Variants in RNF10 observed in about 807,000 individuals in gnomAD.
The protein encoded by RNF10 is ring finger protein 10.
In RNF10, 38 loss-of-function variants were observed where a neutral mutation model predicts 91.4. The ratio of observed to expected loss-of-function variants is 0.42; its 90% CI spans 0.32 to 0.54. The LOEUF (loss-of-function observed/expected upper bound fraction) is 0.54, where lower values mean the gene tolerates loss of function less well. Among genes scored for constraint, RNF10 ranks in the 20% least tolerant of loss-of-function variants. The pLI, the probability that RNF10 is intolerant of heterozygous loss-of-function variation, is 0.16. For missense variants in RNF10, 945 were observed against 1,012.0 expected (o/e 0.93, Z 0.90); for synonymous variants, 364 against 366.3 (o/e 0.99, Z 0.07).
At chr12:120,538,760 T>C (rs1439812151) in intron 1 of RNF10, among the ~76,000 whole-genome samples, 1 of 152,104 alleles carries the variant, frequency 6.6e-6, no homozygotes, top group Non-Finnish European at 1.5e-5. Context: ...CCAGGGAGGT[T>C]AAGGGAAGGT....
chr12:120,557,196 G>A (rs999135165), intron 4 of RNF10, 86 bp from the exon 5 acceptor site: 19 of 1,152,510 alleles, frequency 1.6e-5, no homozygotes, highest in African/African-American at 9.1e-5. Context: ...AGAGAGATGC[G>A]GATGAGAGAG....
At position 120,552,585 on chromosome 12, in the gene RNF10, T is replaced by C. The variant is rs771408833; in HGVS notation, c.441T>C (p.Thr147=). 1.2e-6 allele frequency: 2 copies of C among 1,614,212 alleles called. No individual in the cohort carries two copies. The highest frequency in any genetic ancestry group is 4.5e-5 in the East Asian group (2 of 44,894). Residue 147 remains threonine, a synonymous_variant, in exon 3 of 17, where the codon ACT becomes ACC. Coordinates refer to ENST00000325954, the MANE Select transcript of RNF10 (RefSeq NM_014868.5). The part of the protein sequence containing the change: ...KINLNHLLNF[T]FEPRGQTGHF... ...ACCTGAACCACTTGTTGAATTTCACTTTTGAACCCCGTGGCCAGACGGGTC... is the reference window on the plus strand; with the variant it reads ...ACCTGAACCACTTGTTGAATTTCACCTTTGAACCCCGTGGCCAGACGGGTC...
intron 1 of RNF10, among the ~76,000 whole-genome samples, chr12:120,544,298 T>C (rs1367243009): frequency 6.6e-6 from 1 of 151,064 alleles, no homozygotes; most frequent in Non-Finnish European, 1.5e-5. Flanking sequence ...CGAGGCAGGA[T>C]TGCTTGAGTC....
Position 120,554,896 on chromosome 12 carries a change from C to A in RNF10, c.645+88C>A. The A allele has an allele frequency of 3.0e-6, 3 of 1,000,900 alleles. No homozygotes were observed. The East Asian group carries it at 7.2e-5, about 24-fold the overall frequency. The allele number at this position is 1,000,900 out of a possible 1,614,324, so 62.0% of individuals were successfully genotyped here. On this transcript the variant is annotated intron_variant, in intron 4 of 16. Coordinates refer to ENST00000325954, the MANE Select transcript of RNF10 (RefSeq NM_014868.5). The stretch of plus-strand genomic sequence containing the variant: ...ACGCAGCAGCTGTTGGCTGTGTGCA[C>A]TGCTTGATACCCTTTTCTGCCTGGC...
At chr12:120,562,719 C>G (rs557713229) in intron 7 of RNF10, among the ~76,000 whole-genome samples, 12 of 152,144 alleles carry the variant, frequency 7.9e-5, no homozygotes, top group Non-Finnish European at 1.6e-4. Context: ...TTTACACTCC[C>G]CAGTGTCAGA....
Position 120,575,967 on chromosome 12 carries a change from G to C in RNF10, c.2359+17G>C. The C allele has an allele frequency of 6.2e-7, 1 of 1,612,764 alleles. No individual in the cohort carries two copies. Among genetic ancestry groups the C allele is most frequent in the Non-Finnish European group, 8.5e-7 (1 of 1,179,952 alleles). ...CCCTCTCTGGTAAGGGCAGAGGCTGGAGTGCCCAGGGTTGTCAAACATACT... is the reference window on the plus strand; with the variant it reads ...CCCTCTCTGGTAAGGGCAGAGGCTGCAGTGCCCAGGGTTGTCAAACATACT... On this transcript the variant is annotated intron_variant, in intron 16 of 16. Transcript: ENST00000325954.
chr12:120,576,697 G>GGTTTTT lies in RNF10; in HGVS notation c.*44_*49dup, dbSNP rs533356595. 1.6e-4 allele frequency: 259 copies of GGTTTTT among 1,587,992 alleles called. 3 individuals are homozygous for GGTTTTT. In the African/African-American group the frequency reaches 3.0e-3, roughly 18 times the overall value. On this transcript the variant is annotated 3_prime_UTR_variant, in exon 17 of 17. Coordinates refer to ENST00000325954, the MANE Select transcript of RNF10 (RefSeq NM_014868.5). Reference sequence around the variant, plus strand: ...CTGGCCCAGGCTACCTTCTCCATCTGGTTTTTGTTTTTGTTTTTTTTTCCC... The same window carrying GGTTTTT: ...CTGGCCCAGGCTACCTTCTCCATCTGGTTTTTGTTTTTGTTTTTGTTTTTTTTTCCC...
chr12:120,539,828 T>A (rs753961310), intron 1 of RNF10, among the ~76,000 whole-genome samples: 54 of 151,976 alleles, frequency 3.6e-4, no homozygotes, highest in Non-Finnish European at 6.8e-4. Context: ...TGCATCAGAA[T>A]CTCCTCAGGA....
chr12:120,546,710 A>G, intron 2 of RNF10, 109 bp downstream of exon 2: 1 of 951,772 alleles, frequency 1.1e-6, no homozygotes, highest in Non-Finnish European at 1.5e-6. Context: ...GTAGAGGAAT[A>G]GATAATCAAA....
intron 2 of RNF10, among the ~76,000 whole-genome samples, chr12:120,548,806 G>A (rs1176944982): frequency 6.6e-6 from 1 of 151,738 alleles, no homozygotes; most frequent in African/African-American, 2.4e-5. Context: ...CTACAGCTGG[G>A]ACTATTAGCC....
In RNF10 at chr12:120,571,220, G is replaced by T. The variant is rs765302074; in HGVS notation, c.2071G>T (p.Ala691Ser). ...DFLLTPLSPT[A>S]SQGSPSFCVG... Reference sequence around the variant, plus strand: ...TCTGCTGACCCCTCTGTCACCCACTGCCAGTCAGGGCAGTCCCTCATTCTG... The same window carrying T: ...TCTGCTGACCCCTCTGTCACCCACTTCCAGTCAGGGCAGTCCCTCATTCTG... Residue 691 changes from alanine to serine, a missense_variant, in exon 14 of 17, where the codon GCC becomes TCC. Transcript: ENST00000325954. 1 of 1,613,958 alleles carries T rather than the reference G, an allele frequency of 6.2e-7. No homozygotes were observed. Among genetic ancestry groups the T allele is most frequent in the Non-Finnish European group, 8.5e-7 (1 of 1,179,958 alleles).
In RNF10 at chr12:120,569,538, C is replaced by CTTTTTTTTTTTTTTTTTTTT. The variant is rs58304342; in HGVS notation, c.2042-1642_2042-1641insTTTTTTTTTTTTTTTTTTTT. Among the ~76,000 whole-genome samples the CTTTTTTTTTTTTTTTTTTTT allele has an allele frequency of 8.7e-5, 10 of 115,236 alleles. 2 individuals are homozygous for CTTTTTTTTTTTTTTTTTTTT. The highest frequency in any genetic ancestry group is 1.1e-4 in the Admixed American group (1 of 9,274). 75.6% of individuals were successfully genotyped at this position (115,236 alleles called of 152,430 possible). The stretch of plus-strand genomic sequence containing the variant: ...TAAATACATTATTTGTGATATGCAT[C>CTTTTTTTTTTTTTTTTTTTT]TTTTTTTTTTTGAGACAGGGTCTCG... On this transcript the variant is annotated intron_variant, in intron 13 of 16. Coordinates refer to ENST00000325954, the MANE Select transcript of RNF10 (RefSeq NM_014868.5).
At chr12:120,561,025 T>G (rs1874767433) in intron 7 of RNF10, 139 bp downstream of exon 7, 4 of 866,064 alleles carry the variant, frequency 4.6e-6, no homozygotes, top group Non-Finnish European at 6.8e-6. Context: ...ATTCCACATT[T>G]AAGACAATAA....
intron 1 of RNF10, among the ~76,000 whole-genome samples, chr12:120,544,997 GA>G (rs1480796941): frequency 6.6e-6 from 1 of 152,154 alleles, no homozygotes; most frequent in Non-Finnish European, 1.5e-5. Context: ...GTAGTAAGCA[GA>G]AAACAATATA....
chr12:120,549,430 GAA>G (rs1872731240), intron 2 of RNF10, among the ~76,000 whole-genome samples: 1 of 152,288 alleles, frequency 6.6e-6, no homozygotes, highest in African/African-American at 2.4e-5. Flanking sequence ...TGTGGAATAG[GAA>G]AAGAGTTGAA....
rs765059446 is a variant in RNF10, at chr12:120,576,671, A to G, written c.*5A>G. On this transcript the variant is annotated 3_prime_UTR_variant, in exon 17 of 17. Transcript: ENST00000325954. ...TCAGTCGTCCACACCAAGTGACACT[A>G]CTGGCCCAGGCTACCTTCTCCATCT... 6.2e-7 allele frequency: 1 copy of G among 1,609,722 alleles called. No individual in the cohort carries two copies. Among genetic ancestry groups the G allele is most frequent in the African/African-American group, 1.3e-5 (1 of 74,570 alleles).
chr12:120,547,883 AAG>A (rs1248641730), intron 2 of RNF10, among the ~76,000 whole-genome samples: 6 of 152,160 alleles, frequency 3.9e-5, no homozygotes, highest in African/African-American at 1.4e-4. Context: ...CAGGAAGACT[AAG>A]AGACTACAAA....
intron 12 of RNF10, among the ~76,000 whole-genome samples, chr12:120,566,325 A>G (rs1052061033): frequency 1.3e-5 from 2 of 152,232 alleles, no homozygotes; most frequent in East Asian, 3.8e-4. Flanking sequence ...CCCAGCCTCA[A>G]TTATGAATAG....
intron 1 of RNF10, among the ~76,000 whole-genome samples, chr12:120,537,735 C>T (rs568815986): frequency 3.0e-4 from 45 of 152,204 alleles, no homozygotes; most frequent in Middle Eastern, 3.4e-3. Context: ...TTGCCACCGC[C>T]AGTGTCTGCT....
Sources: allele counts gnomAD v4.1 joint callset (sites outside exome capture counted in the v4.1 genomes callset), GRCh38; gene constraint gnomAD v4.1.1; transcripts MANE v1.5; gene names NCBI Gene and HGNC (gene_info 2026-07-23, HGNC 2026-07-21).